GOLGB1: variants seen among roughly 807,000 people sequenced by gnomAD.
GOLGB1 encodes the protein golgin subfamily B member 1.
GOLGB1 carries 174 observed loss-of-function variants against 336.9 expected under a neutral mutation model. That is an observed-to-expected ratio of 0.52 (90% confidence interval 0.46 to 0.59). The LOEUF (loss-of-function observed/expected upper bound fraction) is 0.59. Among genes scored for constraint, GOLGB1 ranks in the 20% least tolerant of loss-of-function variants. GOLGB1 has a pLI of 0.00. For synonymous variants in GOLGB1, 1,208 were observed against 1,289.2 expected (o/e 0.94, Z 1.35); for missense variants, 3,331 against 3,645.3 (o/e 0.91, Z 2.22).
At chr3:121,675,485 C>T (rs1396024962) in intron 17 of GOLGB1, among the ~76,000 whole-genome samples, 1 of 152,112 alleles carries the variant, frequency 6.6e-6, no homozygotes, top group African/African-American at 2.4e-5. Context: ...TGCAATACTA[C>T]ACAGCATGAG....
intron 1 of GOLGB1, among the ~76,000 whole-genome samples, chr3:121,741,339 T>C (rs1054593543): frequency 1.3e-5 from 2 of 152,130 alleles, no homozygotes; most frequent in African/African-American, 2.4e-5. Context: ...GACAGCATAG[T>C]ATGTAATGAT....
Position 121,697,588 on chromosome 3 carries a change from T to C in GOLGB1, c.2935A>G (p.Lys979Glu). The C allele has an allele frequency of 6.2e-7, 1 of 1,613,716 alleles. No individual in the cohort carries two copies. Among genetic ancestry groups the C allele is most frequent in the Non-Finnish European group, 8.5e-7 (1 of 1,179,960 alleles). The change falls in exon 13 of 22, where the codon AAG becomes GAG. Residue 979 changes from lysine (K) to glutamate (E), a missense_variant. By Grantham distance (56) the Lys-to-Glu change is moderately conservative (BLOSUM62 1). Transcript: ENST00000614479. ...DEMSPAGQIS[K>E]EELQHEFDLL... ...TCAAATTCATGCTGAAGTTCTTCCT[T>C]ACTTATTTGTCCTGCTGGGCTCATC... is the stretch of plus-strand genomic sequence containing the variant.
intron 1 of GOLGB1, among the ~76,000 whole-genome samples, chr3:121,732,837 ACTT>A (rs1946207256): frequency 6.6e-6 from 1 of 152,200 alleles, no homozygotes; most frequent in Admixed American, 6.5e-5. Flanking sequence ...GTCTCTTACT[ACTT>A]CTATCTAACA....
chr3:121,732,437 T>C (rs1319720451), intron 1 of GOLGB1, among the ~76,000 whole-genome samples: 1 of 152,114 alleles, frequency 6.6e-6, no homozygotes, highest in African/African-American at 2.4e-5. Flanking sequence ...AGACCAATGT[T>C]CCTCATGGTC....
In GOLGB1 at chr3:121,694,091, C is replaced by T. The variant is rs1159195463; in HGVS notation, c.6432G>A (p.Lys2144=). ...AAGCATCCAGTTTCTCTTGCATATT[C>T]TTCTTCTCTTTCAGGTGCTTCTCTT... ...QAEEKHLKEK[K]NMQEKLDALR... Residue 2144 remains lysine (K), a synonymous_variant, in exon 13 of 22, where the codon AAG becomes AAA. Coordinates refer to ENST00000614479, the MANE Select transcript of GOLGB1 (RefSeq NM_001366282.2). 8 of 1,613,930 alleles carry T rather than the reference C, an allele frequency of 5.0e-6. No individual in the cohort carries two copies. Among genetic ancestry groups the T allele is most frequent in the Non-Finnish European group, 6.8e-6 (8 of 1,180,012 alleles).
intron 15 of GOLGB1, among the ~76,000 whole-genome samples, chr3:121,680,968 A>T (rs1322499984): frequency 6.6e-6 from 1 of 152,234 alleles, no homozygotes; most frequent in East Asian, 1.9e-4. Flanking sequence ...ATGAGCTAGC[A>T]TTTGCACTCC....
At chr3:121,680,092 G>T (rs186559784) in intron 15 of GOLGB1, among the ~76,000 whole-genome samples, 1 of 152,322 alleles carries the variant, frequency 6.6e-6, no homozygotes, top group African/African-American at 2.4e-5. Context: ...GAGGCCATGT[G>T]GGGAGCATGG....
intron 10 of GOLGB1, among the ~76,000 whole-genome samples, chr3:121,706,137 C>CAA (rs112415956): frequency 2.9e-5 from 3 of 102,114 alleles, no homozygotes; most frequent in Admixed American, 1.1e-4. Context: ...GACTCCATTT[C>CAA]AAAAAAAAAA....
Position 121,693,861 on chromosome 3 carries a change from C to G in GOLGB1, c.6662G>C (p.Ser2221Thr). ...TTCTTCTTTGCTTTGAATCGCATCA[C>G]TAAACTTCCTCTCCCATTTCTTAGC... The part of the protein sequence containing the change: ...DEAKKWERKF[S>T]DAIQSKEEEI... The change falls in exon 13 of 22, where the codon AGT (serine) becomes ACT (threonine). Residue 2221 changes from serine to threonine, a missense_variant. By Grantham distance (58) the Ser-to-Thr change is moderately conservative. Coordinates refer to ENST00000614479, the MANE Select transcript of GOLGB1 (RefSeq NM_001366282.2). The G allele has an allele frequency of 6.2e-7, 1 of 1,613,964 alleles. No homozygotes were observed. Among genetic ancestry groups the G allele is most frequent in the Admixed American group, 1.7e-5 (1 of 60,030 alleles).
chr3:121,732,339 G>A (rs574724342), intron 1 of GOLGB1, among the ~76,000 whole-genome samples: 4 of 152,264 alleles, frequency 2.6e-5, no homozygotes, highest in Admixed American at 1.3e-4. Context: ...CCAGAAGATA[G>A]AAAAGGAAGG....
chr3:121,677,264 A>G, intron 16 of GOLGB1, 21 bp downstream of exon 16: 1 of 1,556,574 alleles, frequency 6.4e-7, no homozygotes, highest in South Asian at 1.2e-5. Context: ...CTGAGTAACA[A>G]TCAGCATTGA....
chr3:121,747,343 A>ACG (rs1947409469), intron 1 of GOLGB1, among the ~76,000 whole-genome samples: 1 of 141,810 alleles, frequency 7.1e-6, no homozygotes, highest in Non-Finnish European at 1.5e-5. Flanking sequence ...ATATATGTAT[A>ACG]TATATGTGTA....
At chr3:121,673,532 GA>G (rs1251185528) in intron 17 of GOLGB1, among the ~76,000 whole-genome samples, 4 of 152,092 alleles carry the variant, frequency 2.6e-5, no homozygotes, top group African/African-American at 9.7e-5. Flanking sequence ...TCATTTTAAT[GA>G]TATTAATTCT....
At position 121,692,246 on chromosome 3, in the gene GOLGB1, T is replaced by C. The variant is rs867947643; in HGVS notation, c.7118A>G (p.Glu2373Gly). 6.2e-7 allele frequency: 1 copy of C among 1,602,796 alleles called. No homozygotes were observed. The highest frequency in any genetic ancestry group is 1.4e-5 in the African/African-American group (1 of 73,992). Residue 2373 changes from glutamate (E) to glycine (G), a missense_variant, in exon 14 of 22, where the codon GAA becomes GGA. Coordinates refer to ENST00000614479, the MANE Select transcript of GOLGB1 (RefSeq NM_001366282.2). ...QLETDLQASR[E>G]LTSRLHEEIN... The stretch of plus-strand genomic sequence containing the variant: ...TTCTTCATGCAGCCTACTGGTCAGT[T>C]CTCTGGAGGCCTGAAGATCAGTCTC...
In GOLGB1 at chr3:121,697,585, CCTTA is replaced by C; in HGVS notation, c.2934_2937del (p.Ser978ArgfsTer11). The C allele has an allele frequency of 6.2e-7, 1 of 1,613,686 alleles. No individual in the cohort carries two copies. Among genetic ancestry groups the C allele is most frequent in the East Asian group, 2.2e-5 (1 of 44,864 alleles). On this transcript the variant is annotated frameshift_variant, in exon 13 of 22. Coordinates refer to ENST00000614479, the MANE Select transcript of GOLGB1 (RefSeq NM_001366282.2). LOFTEE classifies it high-confidence loss of function. ...AGGTCAAATTCATGCTGAAGTTCTTCCTTACTTATTTGTCCTGCTGGGCTCATCT... is the reference window on the plus strand; with the variant it reads ...AGGTCAAATTCATGCTGAAGTTCTTCCTTATTTGTCCTGCTGGGCTCATCT...
At chr3:121,727,975 T>A (rs1270221206) in intron 4 of GOLGB1, among the ~76,000 whole-genome samples, 4 of 152,146 alleles carry the variant, frequency 2.6e-5, no homozygotes, top group Non-Finnish European at 4.4e-5. Context: ...ATTACTGCTT[T>A]AAGGTCTCAG....
chr3:121,738,759 G>A (rs1946655315), intron 1 of GOLGB1, among the ~76,000 whole-genome samples: 1 of 152,148 alleles, frequency 6.6e-6, no homozygotes, highest in Admixed American at 6.5e-5. Context: ...CTGCTGAGAG[G>A]AGAATTAAAA....
chr3:121,729,863 ACCT>A lies in GOLGB1; in HGVS notation c.248_249+1del. On this transcript the variant is annotated splice_donor_variant and coding_sequence_variant, in exon 3 of 22. Transcript: ENST00000614479. LOFTEE classifies it high-confidence loss of function. ...CACAAGAAAGGATAAAAACAATAGT[ACCT>A]GTAGAGCTTCATCTTTCTGCTGCAG... 6.2e-7 allele frequency: 1 copy of A among 1,605,190 alleles called. No individual in the cohort carries two copies. The highest frequency in any genetic ancestry group is 8.5e-7 in the Non-Finnish European group (1 of 1,173,368).
chr3:121,702,679 T>C, intron 10 of GOLGB1, 84 bp from the exon 11 acceptor site: 1 of 525,722 alleles, frequency 1.9e-6, no homozygotes. Flanking sequence ...AGCATTTTTG[T>C]CTTCTAGAAG....
Sources: allele counts gnomAD v4.1 joint callset (sites outside exome capture counted in the v4.1 genomes callset), GRCh38; gene constraint gnomAD v4.1.1; transcripts MANE v1.5; gene names NCBI Gene and HGNC (gene_info 2026-07-23, HGNC 2026-07-21).